Variants in RNF17 observed in about 807,000 individuals in gnomAD.
RNF17 encodes the protein spermatogenesis associated 23.
Under a neutral mutation model 200.5 loss-of-function variants are expected in RNF17, and 31 were observed. That is an observed-to-expected ratio of 0.15 (90% CI 0.12 to 0.21). RNF17 has a LOEUF of 0.21. Ranked by LOEUF, RNF17 falls within the 10% of genes least tolerant of loss-of-function variation. The pLI is 1.00. For missense variants in RNF17, 1,628 were observed against 1,905.1 expected, an observed-to-expected ratio of 0.85 and a Z score of 2.71; for synonymous variants, 606 against 637.8, an observed-to-expected ratio of 0.95 and a Z score of 0.75.
chr13:24,756,587 T>C, the RNF17 span, among the ~76,000 whole-genome samples: 1 of 152,120 alleles, frequency 6.6e-6, no homozygotes, highest in Non-Finnish European at 1.5e-5. Flanking sequence ...CTTGGGTATG[T>C]CATGGGCATA....
intron 6 of RNF17, among the ~76,000 whole-genome samples, chr13:24,783,717 T>C (rs1421101648): frequency 6.6e-6 from 1 of 152,208 alleles, no homozygotes; most frequent in African/African-American, 2.4e-5. Context: ...GATTTTTGTG[T>C]CCTACTTTTT....
In RNF17 at chr13:24,842,050, A is replaced by G. The variant is rs776159244; in HGVS notation, c.2492A>G (p.Glu831Gly). The stretch of plus-strand genomic sequence containing the variant: ...CTTAATGGTTTTACAGAAATTCTGG[A>G]AGATAATGTGCTCTTAGTTGAGCTT... ...FMTCSVIKILEDNVLLVELFD... is the reference protein window; with the variant it reads ...FMTCSVIKILGDNVLLVELFD... Residue 831 changes from glutamate (E) to glycine (G), a missense_variant, in exon 19 of 36, where the codon GAA (glutamate) becomes GGA (glycine). Physicochemically the swap from Glu to Gly is moderately conservative, Grantham distance 98 (BLOSUM62 -2). Around this residue, in one of 5 missense-constraint regions of RNF17, gnomAD observed 227 missense variants for 319.8 expected, o/e 0.71. Coordinates refer to ENST00000255324, the MANE Select transcript of RNF17 (RefSeq NM_031277.3). The G allele has an allele frequency of 6.2e-7, 1 of 1,604,980 alleles. No individual in the cohort carries two copies. Among genetic ancestry groups the G allele is most frequent in the South Asian group, 1.1e-5 (1 of 88,834 alleles).
At chr13:24,824,474 T>C (rs1256088549) in intron 15 of RNF17, 2 of 308,868 alleles carry the variant, frequency 6.5e-6, no homozygotes, top group African/African-American at 4.3e-5. Flanking sequence ...AAAAAATTCA[T>C]TTTTTCCATT....
chr13:24,748,694 C>T, the RNF17 span, among the ~76,000 whole-genome samples: 1 of 151,892 alleles, frequency 6.6e-6, no homozygotes, highest in Non-Finnish European at 1.5e-5. Context: ...GTTTATTCCT[C>T]ATAAGTGTAA....
intron 25 of RNF17, among the ~76,000 whole-genome samples, chr13:24,857,554 C>T (rs1454888852): frequency 1.3e-5 from 2 of 152,114 alleles, no homozygotes; most frequent in Non-Finnish European, 2.9e-5. Context: ...GTGGGTGGAG[C>T]GTTTCCAAGT....
chr13:24,752,855 G>A, the RNF17 span, among the ~76,000 whole-genome samples: 2 of 152,216 alleles, frequency 1.3e-5, no homozygotes, highest in Non-Finnish European at 2.9e-5. Flanking sequence ...TCCCTGCTTA[G>A]ACCTTTAGCC....
chr13:24,764,011 C>G, upstream of RNF17: 1 of 460,952 alleles, frequency 2.2e-6, no homozygotes, highest in Non-Finnish European at 3.9e-6. Flanking sequence ...CACAAGGCGC[C>G]CCTTCTAGGA....
At chr13:24,780,055 C>T (rs1882133302) in intron 5 of RNF17, among the ~76,000 whole-genome samples, 1 of 152,124 alleles carries the variant, frequency 6.6e-6, no homozygotes. Context: ...GGCTGTATCC[C>T]CCTTAGTGAG....
intron 34 of RNF17, 73 bp downstream of exon 34, chr13:24,877,259 A>G: frequency 1.6e-6 from 2 of 1,272,676 alleles, no homozygotes; most frequent in Admixed American, 3.8e-5. Flanking sequence ...GTTTGTTTCT[A>G]TGCAGCGTCT....
chr13:24,768,095 G>A (rs1415726113), intron 2 of RNF17, among the ~76,000 whole-genome samples: 1 of 152,060 alleles, frequency 6.6e-6, no homozygotes, highest in Non-Finnish European at 1.5e-5. Context: ...CTACAACAAG[G>A]TAGAGAAGCA....
At chr13:24,870,394 C>T (rs183886437) in intron 31 of RNF17, among the ~76,000 whole-genome samples, 177 bp from the exon 32 acceptor site, 1 of 152,240 alleles carries the variant, frequency 6.6e-6, no homozygotes, top group Non-Finnish European at 1.5e-5. Context: ...TAATCATGTT[C>T]TCTTGATCAC....
At chr13:24,788,301 G>T in intron 7 of RNF17, 142 bp downstream of exon 7, 1 of 536,048 alleles carries the variant, frequency 1.9e-6, no homozygotes, top group Non-Finnish European at 3.1e-6. Context: ...GACAATATAG[G>T]TTAGGATAGT....
In RNF17 at chr13:24,843,382, G is replaced by A. The variant is rs529333435; in HGVS notation, c.2604-362G>A. Among the ~76,000 whole-genome samples, 7 of 152,194 alleles carry A rather than the reference G, an allele frequency of 4.6e-5. No individual in the cohort carries two copies. In the South Asian group the frequency reaches 8.3e-4, roughly 18 times the overall value. On this transcript the variant is annotated intron_variant, in intron 19 of 35. Transcript: ENST00000255324. ...AAATACAAAAAATTAGTGGGGCATGGTGGCAGGTGCCTATAATCCCAGCTA... is the reference window on the plus strand; with the variant it reads ...AAATACAAAAAATTAGTGGGGCATGATGGCAGGTGCCTATAATCCCAGCTA...
intron 15 of RNF17, among the ~76,000 whole-genome samples, chr13:24,822,081 A>C (rs1230617996): frequency 2.0e-5 from 3 of 152,160 alleles, no homozygotes; most frequent in Non-Finnish European, 4.4e-5. Context: ...GTCTGATTAC[A>C]TAGGGCCCAC....
intron 15 of RNF17, among the ~76,000 whole-genome samples, chr13:24,817,432 T>G (rs1356830570): frequency 6.6e-6 from 1 of 152,152 alleles, no homozygotes; most frequent in Admixed American, 6.5e-5. Flanking sequence ...AATTTTTTAC[T>G]TCTTGGCCGG....
chr13:24,798,156 T>C (rs1052444198), intron 11 of RNF17, among the ~76,000 whole-genome samples: 3 of 152,180 alleles, frequency 2.0e-5, no homozygotes, highest in African/African-American at 7.2e-5. Flanking sequence ...CAGTATTTAA[T>C]ATTAGAAGTG....
At chr13:24,851,246 T>G (rs1050901336) in intron 23 of RNF17, among the ~76,000 whole-genome samples, 5 of 152,210 alleles carry the variant, frequency 3.3e-5, no homozygotes, top group Admixed American at 6.5e-5. Flanking sequence ...CGCCCACTTC[T>G]GCCTCTCAAA....
rs1888553890 is a variant in RNF17, at chr13:24,825,708, A to G, written c.2181A>G (p.Pro727=). 2 of 1,613,756 alleles carry G rather than the reference A, an allele frequency of 1.2e-6. No homozygotes were observed. Among genetic ancestry groups the G allele is most frequent in the African/African-American group, 2.7e-5 (2 of 75,046 alleles). ...EDGENLEILC[P]VQDQACVAKF... is the part of the protein sequence containing the mutation. ...GAGAAAATCTGGAAATCCTCTGTCCAGTTCAAGATCAAGCCTGTGTAGCTA... is the reference window on the plus strand; with the variant it reads ...GAGAAAATCTGGAAATCCTCTGTCCGGTTCAAGATCAAGCCTGTGTAGCTA... The change falls in exon 16 of 36, where the codon CCA becomes CCG. Residue 727 remains proline (P), a synonymous_variant. Coordinates refer to ENST00000255324, the MANE Select transcript of RNF17 (RefSeq NM_031277.3).
downstream of RNF17, among the ~76,000 whole-genome samples, chr13:24,881,214 T>A (rs1384419559): frequency 1.3e-5 from 2 of 151,978 alleles, no homozygotes; most frequent in Non-Finnish European, 2.9e-5. Flanking sequence ...TGGCATGGTC[T>A]CAGCTCACTG....
Sources: gnomAD v4.1 joint callset for allele counts (sites outside exome capture counted in the v4.1 genomes callset) on GRCh38, gnomAD v4.1.1 for gene constraint, gnomAD v4.1.1 regional missense constraint, MANE v1.5 for transcripts, NCBI Gene and HGNC (gene_info 2026-07-23, HGNC 2026-07-21) for gene names.